The following ADAMTS3 variants were observed in gnomAD, a reference collection of about 807,000 sequenced individuals.
ADAMTS3 encodes the protein A disintegrin and metalloproteinase with thrombospondin motifs 3.
A neutral mutation model predicts 129.0 loss-of-function variants in ADAMTS3; 73 were observed. The ratio of observed to expected loss-of-function variants is 0.57; its 90% CI spans 0.47 to 0.69. ADAMTS3 has a LOEUF of 0.69. ADAMTS3 is among the 30% of genes least tolerant of loss of function. ADAMTS3 has a pLI of 0.00. For missense variants in ADAMTS3, 1,457 were observed against 1,514.5 expected (o/e 0.96, Z 0.63); for synonymous variants, 477 against 510.8 (o/e 0.93, Z 0.89).
intron 3 of ADAMTS3, among the ~76,000 whole-genome samples, chr4:72,526,781 CAGAGAGAG>C (rs367563051): frequency 3.3e-5 from 3 of 91,862 alleles, no homozygotes; most frequent in Non-Finnish European, 6.7e-5. Context: ...TATATATAGA[CAGAGAGAG>C]AGAGAGAGAG....
intron 4 of ADAMTS3, among the ~76,000 whole-genome samples, chr4:72,383,003 A>G (rs1721334119): frequency 6.6e-6 from 1 of 152,200 alleles, no homozygotes; most frequent in South Asian, 2.1e-4. Context: ...ACAAACCTGC[A>G]TATGCACCCC....
chr4:72,340,337 G>GTGTA (rs1720104126), intron 4 of ADAMTS3, among the ~76,000 whole-genome samples: 1 of 140,810 alleles, frequency 7.1e-6, no homozygotes, highest in East Asian at 2.0e-4. Flanking sequence ...GTGTGTGTGT[G>GTGTA]TATGTGTATG....
At chr4:72,466,503 G>C (rs530994835) in intron 3 of ADAMTS3, among the ~76,000 whole-genome samples, 19 of 152,188 alleles carry the variant, frequency 1.2e-4, no homozygotes, top group South Asian at 8.3e-4. Flanking sequence ...TGAATGGTCA[G>C]AATCTATACA....
intron 3 of ADAMTS3, among the ~76,000 whole-genome samples, chr4:72,520,960 C>T (rs1380308742): frequency 2.0e-5 from 3 of 151,890 alleles, no homozygotes; most frequent in Admixed American, 6.6e-5. Context: ...TGTAGACTAG[C>T]GCTGTTCCTA....
At chr4:72,355,204 T>C (rs1254281326) in intron 4 of ADAMTS3, among the ~76,000 whole-genome samples, 1 of 147,994 alleles carries the variant, frequency 6.8e-6, no homozygotes, top group African/African-American at 2.6e-5. Flanking sequence ...AACAAAATAA[T>C]AACTAAAAAA....
intron 4 of ADAMTS3, among the ~76,000 whole-genome samples, chr4:72,406,593 A>G (rs978417439): frequency 6.6e-6 from 1 of 152,166 alleles, no homozygotes; most frequent in Non-Finnish European, 1.5e-5. Context: ...TAGTTGCTTT[A>G]GTGTAGTTGT....
chr4:72,385,113 G>A (rs1721411861), intron 4 of ADAMTS3, among the ~76,000 whole-genome samples: 1 of 151,878 alleles, frequency 6.6e-6, no homozygotes, highest in Admixed American at 6.6e-5. Context: ...CTGGGAGGTG[G>A]AGCTTGCAGT....
chr4:72,471,493 A>G (rs1193575627), intron 3 of ADAMTS3, among the ~76,000 whole-genome samples: 2 of 152,148 alleles, frequency 1.3e-5, no homozygotes, highest in Non-Finnish European at 2.9e-5. Context: ...ATAGAATCAA[A>G]GAATGTTCTC....
chr4:72,300,700 G>A (rs965251292), intron 17 of ADAMTS3, among the ~76,000 whole-genome samples: 8 of 152,100 alleles, frequency 5.3e-5, no homozygotes, highest in Admixed American at 1.3e-4. Flanking sequence ...TGAGAATTCC[G>A]TCTCGGTTTC....
At chr4:72,531,541 C>T (rs1054695563) in intron 3 of ADAMTS3, among the ~76,000 whole-genome samples, 5 of 152,084 alleles carry the variant, frequency 3.3e-5, no homozygotes, top group African/African-American at 1.2e-4. Context: ...GGGTAAAGCA[C>T]AGAGCTGGTG....
chr4:72,506,925 T>C (rs1056671939), intron 3 of ADAMTS3, among the ~76,000 whole-genome samples: 4 of 152,212 alleles, frequency 2.6e-5, no homozygotes, highest in African/African-American at 9.6e-5. Flanking sequence ...ATGCACTATC[T>C]TGCTATTTCC....
intron 4 of ADAMTS3, among the ~76,000 whole-genome samples, chr4:72,389,770 T>A (rs1721540840): frequency 6.6e-6 from 1 of 152,076 alleles, no homozygotes; most frequent in Non-Finnish European, 1.5e-5. Context: ...GAAATCTGGG[T>A]TTATACCAAT....
rs141944086 is a variant in ADAMTS3, at chr4:72,548,572, C to T, written c.410G>A (p.Arg137Gln). 108 of 1,613,912 alleles carry T rather than the reference C, an allele frequency of 6.7e-5. 1 individual carries two copies. The highest frequency in any genetic ancestry group is 6.2e-4 in the Admixed American group (37 of 60,000). ...GTTAGTCTGCAAAGGCTCTGTTCTC[C>T]GGATTCTATACGTAGCACTTCCTGG... The part of the protein sequence containing the change: ...HQPGSATYRI[R>Q]RTEPLQTNCA... The change falls in exon 3 of 22, where the codon CGG becomes CAG. Residue 137 changes from arginine (R) to glutamine (Q), a missense_variant. Physicochemically the swap from Arg to Gln is conservative, Grantham distance 43 (BLOSUM62 1). Transcript: ENST00000286657.
At chr4:72,296,958 C>T (rs970772247) in intron 18 of ADAMTS3, among the ~76,000 whole-genome samples, 9 of 151,958 alleles carry the variant, frequency 5.9e-5, no homozygotes, top group East Asian at 5.8e-4. Flanking sequence ...TAAAATGTTC[C>T]GAAATTTGGG....
chr4:72,450,789 G>C (rs180901679), intron 3 of ADAMTS3, among the ~76,000 whole-genome samples: 94 of 151,672 alleles, frequency 6.2e-4, no homozygotes, highest in African/African-American at 2.1e-3. Context: ...TGTCTTGCTA[G>C]AAAGGCCTTC....
chr4:72,281,587 G>A lies in ADAMTS3; in HGVS notation c.*1549C>T, dbSNP rs1718343475. On this transcript the variant is annotated 3_prime_UTR_variant, in exon 22 of 22. Transcript: ENST00000286657. Reference sequence around the variant, plus strand: ...GCTAGCTGAGTCCATACAATTTAATGTTTCCTTGAAGGGAAACAAGTCATC... The same window carrying A: ...GCTAGCTGAGTCCATACAATTTAATATTTCCTTGAAGGGAAACAAGTCATC... 6.6e-6 allele frequency: 1 copy of A among 152,086 alleles called. No individual in the cohort carries two copies. Among genetic ancestry groups the A allele is most frequent in the Non-Finnish European group, 1.5e-5 (1 of 68,018 alleles). The allele number at this position is 152,086 out of a possible 1,614,324, so 9.4% of individuals were successfully genotyped here.
chr4:72,486,706 A>C (rs997272002), intron 3 of ADAMTS3, among the ~76,000 whole-genome samples: 8 of 152,192 alleles, frequency 5.3e-5, no homozygotes, highest in Non-Finnish European at 1.2e-4. Flanking sequence ...GAAAGAGTTT[A>C]AGAACAAAAA....
intron 3 of ADAMTS3, among the ~76,000 whole-genome samples, chr4:72,463,484 A>C (rs919660835): frequency 6.6e-6 from 1 of 152,084 alleles, no homozygotes; most frequent in Admixed American, 6.6e-5. Context: ...TAGACCAAAG[A>C]AAGTAAGACA....
chr4:72,482,115 A>ACTCAATTAT (rs1719452862), intron 3 of ADAMTS3, among the ~76,000 whole-genome samples: 1 of 151,928 alleles, frequency 6.6e-6, no homozygotes, highest in African/African-American at 2.4e-5. Flanking sequence ...AAAACTAATC[A>ACTCAATTAT]CTCAATTATC....
Sources: allele counts gnomAD v4.1 joint callset (sites outside exome capture counted in the v4.1 genomes callset), GRCh38; gene constraint gnomAD v4.1.1; transcripts MANE v1.5; gene names NCBI Gene and HGNC (gene_info 2026-07-23, HGNC 2026-07-21).